GAREM1: variants seen among roughly 807,000 people sequenced by gnomAD.
GAREM1 encodes the protein GRB2-associated and regulator of MAPK protein 1.
A neutral mutation model predicts 71.3 loss-of-function variants in GAREM1; 26 were observed. The observed-to-expected ratio is 0.36, with a 90% confidence interval of 0.27 to 0.51. The LOEUF is 0.51. Among genes scored for constraint, GAREM1 ranks in the 20% least tolerant of loss-of-function variants. GAREM1 has a pLI of 0.95. For missense variants in GAREM1, 1,026 were observed against 1,103.1 expected, an observed-to-expected ratio of 0.93 and a Z score of 0.99; for synonymous variants, 440 against 433.2, an observed-to-expected ratio of 1.02 and a Z score of -0.20.
chr18:32,384,865 A>G (rs1599008620), intron 2 of GAREM1, among the ~76,000 whole-genome samples: 1 of 152,146 alleles, frequency 6.6e-6, no homozygotes, highest in Non-Finnish European at 1.5e-5. Context: ...CTTTGTTTTG[A>G]GTTAAAATAT....
chr18:32,300,527 A>G (rs1224861518), intron 3 of GAREM1, among the ~76,000 whole-genome samples: 1 of 152,214 alleles, frequency 6.6e-6, no homozygotes, highest in Admixed American at 6.5e-5. Context: ...AAACATGACC[A>G]GGAGGATGGC....
intron 2 of GAREM1, among the ~76,000 whole-genome samples, chr18:32,368,710 C>T (rs2047949598): frequency 6.6e-6 from 1 of 152,216 alleles, no homozygotes; most frequent in African/African-American, 2.4e-5. Context: ...CAACCTTGCC[C>T]TACATACTTT....
intron 1 of GAREM1, among the ~76,000 whole-genome samples, chr18:32,443,055 G>A (rs2048754392): frequency 6.6e-6 from 1 of 151,980 alleles, no homozygotes; most frequent in Admixed American, 6.6e-5. Context: ...AATTTCATGT[G>A]GATTCAAACA....
chr18:32,310,054 G>T, intron 3 of GAREM1, 139 bp downstream of exon 3: 1 of 763,130 alleles, frequency 1.3e-6, no homozygotes, highest in Non-Finnish European at 2.1e-6. Flanking sequence ...CAATATATGT[G>T]GTTTTGGCTA....
At chr18:32,299,290 G>T (rs575500468) in intron 3 of GAREM1, among the ~76,000 whole-genome samples, 2 of 151,916 alleles carry the variant, frequency 1.3e-5, no homozygotes, top group African/African-American at 4.8e-5. Context: ...GGAGGCGGGC[G>T]GATCACGAGG....
At chr18:32,420,232 C>A (rs953593271) in intron 1 of GAREM1, among the ~76,000 whole-genome samples, 1 of 152,106 alleles carries the variant, frequency 6.6e-6, no homozygotes, top group Non-Finnish European at 1.5e-5. Flanking sequence ...ATGCTGAGGT[C>A]TTGAGACTTC....
At chr18:32,380,474 T>TAAAAAAAAAAAAAA (rs35881689) in intron 2 of GAREM1, among the ~76,000 whole-genome samples, 1 of 92,444 alleles carries the variant, frequency 1.1e-5, no homozygotes, top group African/African-American at 4.4e-5. Flanking sequence ...AGACTTCATT[T>TAAAAAAAAAAAAAA]AAAAAAAAAA....
At chr18:32,354,324 T>C (rs1478328729) in intron 2 of GAREM1, among the ~76,000 whole-genome samples, 1 of 152,182 alleles carries the variant, frequency 6.6e-6, no homozygotes, top group Non-Finnish European at 1.5e-5. Context: ...CTGTATTATA[T>C]AATATATTGG....
chr18:32,311,366 T>TCTA (rs2047320802), intron 2 of GAREM1, among the ~76,000 whole-genome samples: 6 of 152,204 alleles, frequency 3.9e-5, no homozygotes, highest in Admixed American at 3.9e-4. Context: ...TTTTTTAGCA[T>TCTA]CTACTAGGTG....
At chr18:32,380,553 A>G (rs115617494) in intron 2 of GAREM1, among the ~76,000 whole-genome samples, 1,873 of 151,480 alleles carry the variant, frequency 0.012, 51 homozygotes, top group African/African-American at 0.043. Flanking sequence ...AGTTTTTGCT[A>G]ATGGAGCAGA....
intron 4 of GAREM1, among the ~76,000 whole-genome samples, chr18:32,279,808 TATC>T (rs2041590819): frequency 1.3e-5 from 2 of 152,154 alleles, no homozygotes; most frequent in South Asian, 4.1e-4. Flanking sequence ...ATATCCTTAT[TATC>T]ATTCTAATCA....
rs16962964 is a variant in GAREM1, at chr18:32,275,565, G to A, written c.1567-5182C>T. On this transcript the variant is annotated intron_variant, in intron 4 of 5. Transcript: ENST00000269209. ...ATGACAGGGTCAATGAGCACAGTGC[G>A]GATACACGGAGTACCCAAAGCCTCG... is the stretch of plus-strand genomic sequence containing the variant. 6.6e-3 allele frequency among the ~76,000 whole-genome samples: 1,000 copies of A among 152,288 alleles called. 12 individuals carry two copies. The highest frequency in any genetic ancestry group is 0.023 in the African/African-American group (954 of 41,554).
At chr18:32,437,758 CTTTAT>C (rs969977672) in intron 1 of GAREM1, among the ~76,000 whole-genome samples, 3 of 152,102 alleles carry the variant, frequency 2.0e-5, no homozygotes, top group African/African-American at 7.2e-5. Context: ...CAGTGGCAGT[CTTTAT>C]TTTCTTATTA....
chr18:32,310,671 G>A (rs1391167323), intron 2 of GAREM1, among the ~76,000 whole-genome samples: 4 of 152,080 alleles, frequency 2.6e-5, no homozygotes, highest in Admixed American at 6.5e-5. Flanking sequence ...AAACATTGAA[G>A]TTACCTTGCC....
At chr18:32,302,588 G>C (rs943937721) in intron 3 of GAREM1, among the ~76,000 whole-genome samples, 1 of 152,162 alleles carries the variant, frequency 6.6e-6, no homozygotes, top group Non-Finnish European at 1.5e-5. Context: ...AGGGTATTAT[G>C]CTAAGCAAAA....
intron 2 of GAREM1, among the ~76,000 whole-genome samples, chr18:32,353,893 CAA>C (rs1020299771): frequency 3.9e-5 from 6 of 152,012 alleles, no homozygotes; most frequent in Non-Finnish European, 7.4e-5. Context: ...CTAAAATGCT[CAA>C]AGTCAAGAAA....
intron 1 of GAREM1, among the ~76,000 whole-genome samples, chr18:32,421,296 T>C (rs1165988306): frequency 6.6e-6 from 1 of 152,148 alleles, no homozygotes; most frequent in Non-Finnish European, 1.5e-5. Context: ...CAACAAAGCT[T>C]GGCTAAAATG....
At chr18:32,469,928 C>T (rs1395150140) in intron 1 of GAREM1, among the ~76,000 whole-genome samples, 1 of 152,082 alleles carries the variant, frequency 6.6e-6, no homozygotes, top group Non-Finnish European at 1.5e-5. Context: ...AAGATGCCAC[C>T]CGGAGCACAA....
At chr18:32,394,110 A>G (rs1567993267) in intron 1 of GAREM1, among the ~76,000 whole-genome samples, 1 of 152,232 alleles carries the variant, frequency 6.6e-6, no homozygotes, top group Non-Finnish European at 1.5e-5. Flanking sequence ...TAATGCAACA[A>G]TCTTTAAAAC....
Sources: gnomAD v4.1 joint callset for allele counts (sites outside exome capture counted in the v4.1 genomes callset) on GRCh38, gnomAD v4.1.1 for gene constraint, MANE v1.5 for transcripts, NCBI Gene and HGNC (gene_info 2026-07-23, HGNC 2026-07-21) for gene names.